Variants in ASIC2 observed in about 807,000 individuals in gnomAD.
The protein encoded by ASIC2 is acid sensing ion channel subunit 2.
Under a neutral mutation model 57.3 loss-of-function variants are expected in ASIC2, and 25 were observed. The observed-to-expected ratio is 0.44, with a 90% CI of 0.32 to 0.61. The LOEUF (loss-of-function observed/expected upper bound fraction) is 0.61. Among genes scored for constraint, ASIC2 ranks in the 20% least tolerant of loss-of-function variants. ASIC2 has a pLI of 0.06. For missense variants in ASIC2, 641 were observed against 738.1 expected (o/e 0.87, Z 1.52); for synonymous variants, 319 against 307.5 (o/e 1.04, Z -0.39).
chr17:34,080,170 G>C (rs186476858), intron 1 of ASIC2, among the ~76,000 whole-genome samples: 2 of 152,174 alleles, frequency 1.3e-5, no homozygotes, highest in African/African-American at 4.8e-5. Flanking sequence ...ATAGCCTCTT[G>C]AAAGGAAAAG....
intron 1 of ASIC2, among the ~76,000 whole-genome samples, chr17:33,620,410 G>A (rs934594741): frequency 5.9e-5 from 9 of 152,092 alleles, no homozygotes; most frequent in African/African-American, 1.4e-4. Flanking sequence ...TAGGCAACTC[G>A]TGACGGACTC....
intron 1 of ASIC2, among the ~76,000 whole-genome samples, chr17:33,741,025 G>A (rs1910096440): frequency 6.6e-6 from 1 of 152,192 alleles, no homozygotes. Context: ...CCAGCCCTGT[G>A]TGCAGACTGC....
chr17:34,108,068 C>T (rs995853903), intron 1 of ASIC2, among the ~76,000 whole-genome samples: 8 of 152,196 alleles, frequency 5.3e-5, no homozygotes, highest in Admixed American at 3.9e-4. Context: ...TACACATGCT[C>T]ATTTGTATCT....
chr17:33,915,865 A>G (rs773124286), intron 1 of ASIC2, among the ~76,000 whole-genome samples: 4 of 152,132 alleles, frequency 2.6e-5, no homozygotes, highest in Non-Finnish European at 2.9e-5. Flanking sequence ...GGTTGTGGGG[A>G]AGATGGCATA....
chr17:33,445,607 G>T (rs1314483109), intron 1 of ASIC2, among the ~76,000 whole-genome samples: 1 of 151,908 alleles, frequency 6.6e-6, no homozygotes, highest in Non-Finnish European at 1.5e-5. Context: ...AGACCAGCCT[G>T]ACCAACATGG....
chr17:33,416,450 C>T (rs1910844052), intron 1 of ASIC2, among the ~76,000 whole-genome samples: 1 of 152,128 alleles, frequency 6.6e-6, no homozygotes, highest in African/African-American at 2.4e-5. Flanking sequence ...GGGCCTTCCT[C>T]TTTGCTGACT....
intron 1 of ASIC2, among the ~76,000 whole-genome samples, chr17:33,641,668 C>T (rs974673143): frequency 6.6e-6 from 1 of 152,298 alleles, no homozygotes; most frequent in East Asian, 1.9e-4. Flanking sequence ...TGGAATCACT[C>T]CAAAACATAG....
At chr17:33,471,616 G>C (rs1018164589) in intron 1 of ASIC2, among the ~76,000 whole-genome samples, 2 of 151,932 alleles carry the variant, frequency 1.3e-5, no homozygotes, top group Admixed American at 6.6e-5. Context: ...AATCATTTTT[G>C]GCTACTGGAA....
At chr17:33,972,466 G>T (rs1043130406) in intron 1 of ASIC2, among the ~76,000 whole-genome samples, 2 of 152,114 alleles carry the variant, frequency 1.3e-5, no homozygotes, top group Non-Finnish European at 2.9e-5. Flanking sequence ...TTAGATTAAT[G>T]GTCCGCTAGT....
chr17:33,630,894 C>T (rs1906144516), intron 1 of ASIC2, among the ~76,000 whole-genome samples: 1 of 152,134 alleles, frequency 6.6e-6, no homozygotes, highest in Non-Finnish European at 1.5e-5. Flanking sequence ...GTGCTATACA[C>T]AAAAGTATAA....
intron 1 of ASIC2, among the ~76,000 whole-genome samples, chr17:33,657,586 G>C (rs1316042982): frequency 6.6e-6 from 1 of 152,056 alleles, no homozygotes; most frequent in East Asian, 1.9e-4. Context: ...GCAACCTGAA[G>C]GAGACAAAAT....
At chr17:33,324,295 GT>G (rs138541372) in intron 1 of ASIC2, among the ~76,000 whole-genome samples, 19,207 of 151,142 alleles carry the variant, frequency 0.13, 1,330 homozygotes, top group East Asian at 0.27. Flanking sequence ...CAGAGCAAGG[GT>G]TTTTTTTTCA....
intron 1 of ASIC2, among the ~76,000 whole-genome samples, chr17:33,374,792 T>A (rs931442211): frequency 1.3e-5 from 2 of 152,212 alleles, no homozygotes; most frequent in African/African-American, 4.8e-5. Context: ...CCTGAGCCTA[T>A]TTTTCACTGA....
At chr17:33,054,337 C>T (rs937885714) in intron 3 of ASIC2, among the ~76,000 whole-genome samples, 9 of 152,148 alleles carry the variant, frequency 5.9e-5, no homozygotes, top group African/African-American at 2.2e-4. Flanking sequence ...TCTGTCGCTG[C>T]CAAACCAGTT....
chr17:33,698,284 G>T (rs12941351), intron 1 of ASIC2, among the ~76,000 whole-genome samples: 3,451 of 152,200 alleles, frequency 0.023, 124 homozygotes, highest in African/African-American at 0.079. Flanking sequence ...TTCATATGGG[G>T]TTTACGCATC....
intron 1 of ASIC2, among the ~76,000 whole-genome samples, chr17:33,258,165 C>T (rs183852465): frequency 9.2e-5 from 14 of 152,284 alleles, no homozygotes; most frequent in African/African-American, 2.4e-4. Flanking sequence ...GCATTCATTA[C>T]GTGAATTCAT....
chr17:33,198,888 A>T (rs1037194362), intron 1 of ASIC2, among the ~76,000 whole-genome samples: 14 of 152,352 alleles, frequency 9.2e-5, no homozygotes, highest in Non-Finnish European at 1.6e-4. Flanking sequence ...GGCCTTGACC[A>T]TGTCATTAAC....
At chr17:33,971,332 C>T (rs1044271494) in intron 1 of ASIC2, among the ~76,000 whole-genome samples, 1 of 152,146 alleles carries the variant, frequency 6.6e-6, no homozygotes, top group African/African-American at 2.4e-5. Context: ...GGCCTGGCCC[C>T]TGCTGCAACC....
At chr17:33,650,490 G>T (rs1234651368) in intron 1 of ASIC2, among the ~76,000 whole-genome samples, 2 of 152,190 alleles carry the variant, frequency 1.3e-5, no homozygotes, top group African/African-American at 4.8e-5. Context: ...TTATCCCAGA[G>T]AAATGAAGAC....
Sources: gnomAD v4.1 joint callset for allele counts (sites outside exome capture counted in the v4.1 genomes callset) on GRCh38, gnomAD v4.1.1 for gene constraint, MANE v1.5 for transcripts, NCBI Gene and HGNC (gene_info 2026-07-23, HGNC 2026-07-21) for gene names.